COL5A2: variants seen among roughly 807,000 people sequenced by gnomAD.
COL5A2 encodes the protein collagen alpha-2(V) chain.
Under a neutral mutation model 208.2 loss-of-function variants are expected in COL5A2, and 23 were observed. That is an observed-to-expected ratio of 0.11 (90% CI 0.08 to 0.16). The LOEUF is 0.16. Among genes scored for constraint, COL5A2 ranks in the 10% least tolerant of loss-of-function variants. The pLI, the probability that COL5A2 is intolerant of heterozygous loss-of-function variation, is 1.00. For synonymous variants in COL5A2, 625 were observed against 628.5 expected, an observed-to-expected ratio of 0.99 and a Z score of 0.08; for missense variants, 1,590 against 1,956.4, an observed-to-expected ratio of 0.81 and a Z score of 3.53.
chr2:189,050,038 C>A (rs900470108), intron 43 of COL5A2, among the ~76,000 whole-genome samples: 11 of 152,082 alleles, frequency 7.2e-5, no homozygotes, highest in African/African-American at 2.7e-4. Context: ...CTCTTCAAAG[C>A]TAACTTTGAA....
At chr2:189,343,329 CA>C in the COL5A2 span, among the ~76,000 whole-genome samples, 57 of 152,176 alleles carry the variant, frequency 3.7e-4, no homozygotes, top group Admixed American at 1.4e-3. Flanking sequence ...ATGTTAACTA[CA>C]GTTCTTATTC....
the COL5A2 span, among the ~76,000 whole-genome samples, chr2:189,391,274 A>G: frequency 6.6e-6 from 1 of 152,160 alleles, no homozygotes; most frequent in Non-Finnish European, 1.5e-5. Context: ...CACACACAAC[A>G]TCTGACAGAT....
chr2:189,070,013 G>T (rs1336188327), intron 18 of COL5A2, among the ~76,000 whole-genome samples: 5 of 152,156 alleles, frequency 3.3e-5, no homozygotes, highest in African/African-American at 1.2e-4. Flanking sequence ...AGAGTGAAGT[G>T]GTTAAGGTAA....
chr2:189,107,072 C>T (rs1687165638), intron 2 of COL5A2, among the ~76,000 whole-genome samples: 1 of 151,210 alleles, frequency 6.6e-6, no homozygotes. Flanking sequence ...AATATACTTC[C>T]TTCATAGTAA....
At chr2:189,321,841 C>A in the COL5A2 span, among the ~76,000 whole-genome samples, 9 of 152,342 alleles carry the variant, frequency 5.9e-5, no homozygotes, top group East Asian at 1.7e-3. Flanking sequence ...TAGACATCTA[C>A]AGAACTCTCC....
At position 189,045,847 on chromosome 2, in the gene COL5A2, G is replaced by A; in HGVS notation, c.3262C>T (p.Pro1088Ser). The A allele has an allele frequency of 2.5e-6, 4 of 1,614,160 alleles. No homozygotes were observed. The highest frequency in any genetic ancestry group is 1.3e-5 in the African/African-American group (1 of 75,048). ...TCTCCTGGAGCACCCACAGGGCCAG[G>A]AGTTCCAGGGGCACCCTGAGAGCCT... ...LPGSQGAPGT[P>S]GPVGAPGDAG... The change falls in exon 46 of 54, where the codon CCT (proline) becomes TCT (serine). Residue 1088 changes from proline to serine, a missense_variant. Pro to Ser is a moderately conservative substitution (Grantham distance 74). Transcript: ENST00000374866.
chr2:189,253,817 T>G, the COL5A2 span, among the ~76,000 whole-genome samples: 1 of 152,262 alleles, frequency 6.6e-6, no homozygotes. Context: ...CAGATAATCT[T>G]GCATTTGAGG....
At chr2:189,284,936 T>G in the COL5A2 span, among the ~76,000 whole-genome samples, 1 of 152,126 alleles carries the variant, frequency 6.6e-6, no homozygotes, top group Non-Finnish European at 1.5e-5. Flanking sequence ...ACAAGTACTT[T>G]GCTGGGGTGT....
chr2:189,153,505 A>G (rs1688186215), intron 1 of COL5A2, among the ~76,000 whole-genome samples: 1 of 152,206 alleles, frequency 6.6e-6, no homozygotes, highest in Non-Finnish European at 1.5e-5. Flanking sequence ...CAAGCATATT[A>G]GCCAGGAAGA....
intron 35 of COL5A2, among the ~76,000 whole-genome samples, chr2:189,055,516 G>C (rs1243499741): frequency 1.3e-5 from 2 of 152,096 alleles, no homozygotes; most frequent in Admixed American, 1.3e-4. Context: ...GATTTGACAA[G>C]AACATAAGAA....
At chr2:189,136,437 G>A (rs1687827457) in intron 1 of COL5A2, among the ~76,000 whole-genome samples, 3 of 149,914 alleles carry the variant, frequency 2.0e-5, no homozygotes, top group South Asian at 4.2e-4. Context: ...TTTTACACAG[G>A]TGTGGTTACA....
chr2:189,066,102 A>C (rs1211952040), intron 23 of COL5A2, among the ~76,000 whole-genome samples: 1 of 152,224 alleles, frequency 6.6e-6, no homozygotes, highest in East Asian at 1.9e-4. Flanking sequence ...ATAAACAACT[A>C]TTTACTAGTC....
chr2:189,271,892 A>C, the COL5A2 span, among the ~76,000 whole-genome samples: 1 of 152,254 alleles, frequency 6.6e-6, no homozygotes, highest in Non-Finnish European at 1.5e-5. Context: ...TTATGTGGCC[A>C]ACAAACATAT....
At chr2:189,428,386 A>C in the COL5A2 span, among the ~76,000 whole-genome samples, 1 of 152,092 alleles carries the variant, frequency 6.6e-6, no homozygotes, top group East Asian at 1.9e-4. Flanking sequence ...TTGGGTGACC[A>C]AGGCAGGTGG....
chr2:189,148,805 T>C (rs1269783094), intron 1 of COL5A2, among the ~76,000 whole-genome samples: 4 of 152,144 alleles, frequency 2.6e-5, no homozygotes, highest in Non-Finnish European at 5.9e-5. Flanking sequence ...ATATTAGTGG[T>C]CATTAAGCTC....
chr2:189,219,764 T>A (rs80258285), intron 1 of COL5A2, among the ~76,000 whole-genome samples: 3,806 of 152,194 alleles, frequency 0.025, 161 homozygotes, highest in African/African-American at 0.088. Flanking sequence ...AAATAAGCTG[T>A]GTACTAGGTT....
intron 1 of COL5A2, among the ~76,000 whole-genome samples, chr2:189,117,371 C>T (rs1039359974): frequency 2.0e-5 from 3 of 152,120 alleles, no homozygotes; most frequent in African/African-American, 7.2e-5. Flanking sequence ...ATTTTTATAG[C>T]CAACCTTAGT....
In COL5A2 at chr2:189,066,409, G is replaced by A. The variant is rs748946638; in HGVS notation, c.1544C>T (p.Pro515Leu). 6.2e-7 allele frequency: 1 copy of A among 1,613,950 alleles called. No individual in the cohort carries two copies. Among genetic ancestry groups the A allele is most frequent in the Admixed American group, 1.7e-5 (1 of 60,022 alleles). ...ATTTACCCTTTCTCCCACTGGCCCT[G>A]GAGGACCAACTGTTCCTGGGTCACC... ...PRGDPGTVGPPGPVGERGAPG... is the reference protein window; with the variant it reads ...PRGDPGTVGPLGPVGERGAPG... The change falls in exon 23 of 54, where the codon CCA becomes CTA. Residue 515 changes from proline to leucine, a missense_variant. Pro to Leu is a moderately conservative substitution (Grantham distance 98). Coordinates refer to ENST00000374866, the MANE Select transcript of COL5A2 (RefSeq NM_000393.5).
the COL5A2 span, among the ~76,000 whole-genome samples, chr2:189,394,048 T>C: frequency 6.6e-6 from 1 of 152,192 alleles, no homozygotes; most frequent in Non-Finnish European, 1.5e-5. Flanking sequence ...ACCTTGAGCA[T>C]ACCTCCTAAT....
Sources: gnomAD v4.1 joint callset for allele counts (sites outside exome capture counted in the v4.1 genomes callset) on GRCh38, gnomAD v4.1.1 for gene constraint, MANE v1.5 for transcripts, NCBI Gene and HGNC (gene_info 2026-07-23, HGNC 2026-07-21) for gene names.